Variants in KLHL7 observed in about 807,000 individuals in gnomAD.
KLHL7 encodes kelch-like protein 7.
KLHL7 carries 44 observed loss-of-function variants against 67.4 expected under a neutral mutation model. The observed-to-expected ratio is 0.65, with a 90% CI of 0.51 to 0.84. The LOEUF (loss-of-function observed/expected upper bound fraction) is 0.84, where lower values mean the gene tolerates loss of function less well. KLHL7 is among the 40% of genes least tolerant of loss of function. The pLI is 0.00. For synonymous variants in KLHL7, 252 were observed against 243.3 expected (o/e 1.04, Z -0.33); for missense variants, 362 against 718.1 (o/e 0.50, Z 5.67).
chr7:23,162,637 G>A (rs2128468883), intron 7 of KLHL7, among the ~76,000 whole-genome samples: 2 of 152,316 alleles, frequency 1.3e-5, no homozygotes, highest in Middle Eastern at 3.4e-3. Context: ...GTCCTTGTAA[G>A]ATGAATGAAG....
At chr7:23,114,002 A>G (rs528695195) in intron 1 of KLHL7, among the ~76,000 whole-genome samples, 2 of 152,376 alleles carry the variant, frequency 1.3e-5, no homozygotes, top group Non-Finnish European at 2.9e-5. Flanking sequence ...AGAAGCTGAA[A>G]GGAAATGAGG....
chr7:23,129,993 C>T lies in KLHL7; in HGVS notation c.442+4821C>T, dbSNP rs370323215. Among the ~76,000 whole-genome samples, 30 of 152,188 alleles carry T rather than the reference C, an allele frequency of 2.0e-4. 1 individual carries two copies. The highest frequency in any genetic ancestry group is 7.2e-4 in the African/African-American group (30 of 41,526). The stretch of plus-strand genomic sequence containing the variant: ...AAGTTCTTTGAAAATTATATTATTT[C>T]TACAGATTTTATTCTGGATACTAAT... On this transcript the variant is annotated intron_variant, in intron 4 of 10. Transcript: ENST00000339077.
chr7:23,149,366 C>T (rs1239617065), intron 6 of KLHL7, among the ~76,000 whole-genome samples: 1 of 152,174 alleles, frequency 6.6e-6, no homozygotes, highest in East Asian at 1.9e-4. Context: ...GCACAGTTGG[C>T]CATGGTCAGC....
intron 4 of KLHL7, among the ~76,000 whole-genome samples, chr7:23,139,148 T>G (rs1375543060): frequency 6.6e-6 from 1 of 151,014 alleles, no homozygotes; most frequent in East Asian, 1.9e-4. Context: ...GGAAAGGTTA[T>G]GCATGTGTGG....
chr7:23,143,781 A>C, intron 5 of KLHL7, 70 bp from the exon 6 acceptor site: 1 of 1,444,022 alleles, frequency 6.9e-7, no homozygotes, highest in Admixed American at 1.7e-5. Context: ...CTTCAATATG[A>C]GAGTAAACAT....
At position 23,132,644 on chromosome 7, in the gene KLHL7, C is replaced by T. The variant is rs142066782; in HGVS notation, c.442+7472C>T. On this transcript the variant is annotated intron_variant, in intron 4 of 10. Coordinates refer to ENST00000339077, the MANE Select transcript of KLHL7 (RefSeq NM_001031710.3). ...CCTTTACTGTGCAGAAGCTTTTTAA[C>T]TTGATGTGACTCCATTTGTCCATCT... Among the ~76,000 whole-genome samples the T allele has an allele frequency of 3.3e-5, 5 of 152,252 alleles. No individual in the cohort carries two copies. The South Asian group carries it at 1.0e-3, about 32-fold the overall frequency.
intron 6 of KLHL7, among the ~76,000 whole-genome samples, chr7:23,147,517 C>T (rs1044841463): frequency 1.3e-5 from 2 of 152,198 alleles, no homozygotes; most frequent in African/African-American, 4.8e-5. Context: ...CCCTGAGGAA[C>T]AGTGCTGCTA....
intron 1 of KLHL7, among the ~76,000 whole-genome samples, chr7:23,108,961 C>G (rs1051113758): frequency 6.6e-6 from 1 of 152,206 alleles, no homozygotes; most frequent in Non-Finnish European, 1.5e-5. Flanking sequence ...TAGTTTGGAA[C>G]TATTAAGACT....
intron 9 of KLHL7, among the ~76,000 whole-genome samples, chr7:23,172,514 G>A (rs1405478086): frequency 1.3e-5 from 2 of 152,076 alleles, no homozygotes; most frequent in South Asian, 2.1e-4. Context: ...TTTTACTTAC[G>A]CATATATAAA....
At chr7:23,132,353 G>A (rs1783832336) in intron 4 of KLHL7, among the ~76,000 whole-genome samples, 2 of 152,210 alleles carry the variant, frequency 1.3e-5, no homozygotes, top group African/African-American at 2.4e-5. Context: ...CATTTTAACT[G>A]GGGTGAGATG....
chr7:23,116,039 C>G (rs942787049), intron 1 of KLHL7, among the ~76,000 whole-genome samples: 1 of 152,210 alleles, frequency 6.6e-6, no homozygotes, highest in Non-Finnish European at 1.5e-5. Context: ...AATGACAAAG[C>G]CTTCTCTCAT....
At chr7:23,170,949 C>G (rs999875651) in intron 9 of KLHL7, among the ~76,000 whole-genome samples, 1 of 139,500 alleles carries the variant, frequency 7.2e-6, no homozygotes, top group Non-Finnish European at 1.5e-5. Flanking sequence ...CACTCTGTCA[C>G]CATGCTGGAA....
intron 4 of KLHL7, among the ~76,000 whole-genome samples, chr7:23,138,000 A>AC (rs972338265): frequency 2.7e-5 from 4 of 150,498 alleles, no homozygotes; most frequent in Non-Finnish European, 5.9e-5. Flanking sequence ...ACATGGTAAA[A>AC]CCCCACCTCT....
chr7:23,119,280 C>T (rs1393385114), intron 1 of KLHL7, among the ~76,000 whole-genome samples: 2 of 152,182 alleles, frequency 1.3e-5, no homozygotes, highest in Non-Finnish European at 2.9e-5. Context: ...TCTCTGCTCA[C>T]TGCAGCCTCT....
intron 4 of KLHL7, among the ~76,000 whole-genome samples, chr7:23,127,693 C>A (rs897613757): frequency 6.6e-6 from 1 of 151,888 alleles, no homozygotes; most frequent in African/African-American, 2.4e-5. Flanking sequence ...ATGGTGAAAC[C>A]CCTCTCTACC....
intron 9 of KLHL7, among the ~76,000 whole-genome samples, chr7:23,170,380 G>A (rs899149800): frequency 7.2e-5 from 11 of 152,166 alleles, no homozygotes; most frequent in Admixed American, 5.9e-4. Context: ...AATAACACAT[G>A]TTGTCACTCA....
In KLHL7 at chr7:23,106,225, C is replaced by T. The variant is rs1425539773; in HGVS notation, c.120+79C>T. The T allele has an allele frequency of 1.9e-6, 3 of 1,563,614 alleles. No individual in the cohort carries two copies. The Admixed American group carries it at 5.7e-5, about 30-fold the overall frequency. ...GCCCCTGGTTCCCGGGGTGGAACCC[C>T]GCGCCCTGTGGATCGCGCCCCTCTT... On this transcript the variant is annotated intron_variant, in intron 1 of 10. Transcript: ENST00000339077.
At chr7:23,125,263 G>T (rs754441770) in intron 4 of KLHL7, 91 bp downstream of exon 4, 2 of 1,327,208 alleles carry the variant, frequency 1.5e-6, no homozygotes, top group East Asian at 2.4e-5. Flanking sequence ...TTAAGTATCC[G>T]CATTTAACCT....
intron 4 of KLHL7, among the ~76,000 whole-genome samples, chr7:23,138,761 C>T (rs1305183931): frequency 2.0e-5 from 3 of 152,022 alleles, no homozygotes; most frequent in Admixed American, 2.0e-4. Flanking sequence ...TGGTCTCAAA[C>T]TCCTGACCTC....
Sources: allele counts gnomAD v4.1 joint callset (sites outside exome capture counted in the v4.1 genomes callset), GRCh38; gene constraint gnomAD v4.1.1; transcripts MANE v1.5; gene names NCBI Gene and HGNC (gene_info 2026-07-23, HGNC 2026-07-21).